SPRY3: variants seen among roughly 807,000 people sequenced by gnomAD.
SPRY3 encodes protein sprouty homolog 3.
In SPRY3, 15 loss-of-function variants were observed where a neutral mutation model predicts 20.2. The observed-to-expected ratio is 0.74, with a 90% CI of 0.50 to 1.14. The LOEUF (loss-of-function observed/expected upper bound fraction) is 1.14, where lower values mean the gene tolerates loss of function less well. SPRY3 is among the 50% of genes most tolerant of loss of function. SPRY3 has a pLI of 0.00. For missense variants in SPRY3, 364 were observed against 363.9 expected (o/e 1.00, Z 0.00); for synonymous variants, 143 against 136.5 (o/e 1.05, Z -0.33).
chrX:155,654,373 G>A (rs1486032493), intron 1 of SPRY3, among the ~76,000 whole-genome samples: 1 of 111,227 alleles, frequency 9.0e-6, no homozygotes, highest in Non-Finnish European at 1.9e-5. Flanking sequence ...TTTTTGTTAT[G>A]TGGATATATT....
intron 2 of SPRY3, among the ~76,000 whole-genome samples, chrX:155,713,565 G>A (rs1406445588): frequency 1.3e-5 from 2 of 152,130 alleles, no homozygotes; most frequent in Non-Finnish European, 2.9e-5. Context: ...AAAGTCTGCT[G>A]CCAGACATAT....
At chrX:155,757,721 A>C (rs1285198048) in intron 2 of SPRY3, among the ~76,000 whole-genome samples, 1 of 152,104 alleles carries the variant, frequency 6.6e-6, no homozygotes, top group African/African-American at 2.4e-5. Flanking sequence ...TCTGGAGGCA[A>C]GGTTTAGGAG....
At chrX:155,697,522 C>T (rs199695571) in intron 2 of SPRY3, among the ~76,000 whole-genome samples, 9 of 99,314 alleles carry the variant, frequency 9.1e-5, no homozygotes, top group East Asian at 3.1e-4. Context: ...CACACACACA[C>T]ATATATATAT....
At chrX:155,750,118 G>C (rs1410169429) in intron 2 of SPRY3, among the ~76,000 whole-genome samples, 2 of 151,826 alleles carry the variant, frequency 1.3e-5, no homozygotes, top group African/African-American at 4.8e-5. Context: ...GTGAAATCAT[G>C]TCCTTTGCAG....
At chrX:155,714,446 A>G (rs1421267627) in intron 2 of SPRY3, among the ~76,000 whole-genome samples, 1 of 152,176 alleles carries the variant, frequency 6.6e-6, no homozygotes, top group Non-Finnish European at 1.5e-5. Flanking sequence ...GGTCTTAGAT[A>G]AGATCTGGAA....
At chrX:155,663,740 T>C (rs1267330848) in intron 2 of SPRY3, among the ~76,000 whole-genome samples, 1 of 111,415 alleles carries the variant, frequency 9.0e-6, no homozygotes, top group African/African-American at 3.3e-5. Context: ...CCCAGCAATG[T>C]GTTGTAACAG....
At chrX:155,725,902 T>A (rs28820992) in intron 2 of SPRY3, among the ~76,000 whole-genome samples, 6,655 of 152,300 alleles carry the variant, frequency 0.044, 165 homozygotes, top group African/African-American at 0.067. Flanking sequence ...TTCTTTTAAT[T>A]GTGATGTTAG....
At chrX:155,717,061 A>C (rs1325858369) in intron 2 of SPRY3, among the ~76,000 whole-genome samples, 1 of 142,644 alleles carries the variant, frequency 7.0e-6, no homozygotes, top group Non-Finnish European at 1.5e-5. Context: ...CGGGAGGCTG[A>C]GGCAGGATAA....
At chrX:155,758,870 T>C (rs939341463) in intron 2 of SPRY3, among the ~76,000 whole-genome samples, 1 of 152,168 alleles carries the variant, frequency 6.6e-6, no homozygotes, top group African/African-American at 2.4e-5. Context: ...TACAATTTAG[T>C]AAAAACCTAA....
chrX:155,769,475 G>A (rs776042257), intron 3 of SPRY3, among the ~76,000 whole-genome samples: 1 of 152,172 alleles, frequency 6.6e-6, no homozygotes, highest in African/African-American at 2.4e-5. Flanking sequence ...CAGCCACGCA[G>A]CAAAGTAGAG....
intron 1 of SPRY3, among the ~76,000 whole-genome samples, chrX:155,614,311 G>A (rs1239555932): frequency 8.9e-6 from 1 of 112,073 alleles, no homozygotes; most frequent in Non-Finnish European, 1.9e-5. Context: ...ATGATCCAAT[G>A]TCCTGTAACA....
rs1306336387 is a variant in SPRY3, at chrX:155,689,296, G to A, written c.-282+32271G>A. On this transcript the variant is annotated intron_variant, in intron 2 of 3. Coordinates refer to ENST00000675360, the Ensembl canonical transcript of SPRY3. ...AGTTAATTTTTGTATATGGTGTAAGGAAGGGGTCCAGTTTCGATCTTCTGC... is the reference window on the plus strand; with the variant it reads ...AGTTAATTTTTGTATATGGTGTAAGAAAGGGGTCCAGTTTCGATCTTCTGC... Among the ~76,000 whole-genome samples the A allele has an allele frequency of 4.6e-5, 4 of 87,072 alleles. 1 individual carries two copies. Among genetic ancestry groups the A allele is most frequent in the African/African-American group, 1.1e-4 (2 of 17,714 alleles). 75.6% of individuals were successfully genotyped at this position (87,072 alleles called of 115,157 possible). A position where few individuals can be genotyped will look rare whatever the true frequency, so the allele number is the denominator to read the frequency against.
chrX:155,664,744 AAAT>A (rs1557354137), intron 2 of SPRY3, among the ~76,000 whole-genome samples: 2 of 109,761 alleles, frequency 1.8e-5, no homozygotes. Context: ...CCCTAAGTAA[AAAT>A]AATAAGAAGA....
chrX:155,725,691 C>T (rs1445444836), intron 2 of SPRY3, among the ~76,000 whole-genome samples: 1 of 151,906 alleles, frequency 6.6e-6, no homozygotes, highest in East Asian at 1.9e-4. Flanking sequence ...TTTATTGCAT[C>T]TATTTGATTC....
intron 2 of SPRY3, among the ~76,000 whole-genome samples, chrX:155,712,127 T>G (rs1228939384): frequency 6.6e-6 from 1 of 151,966 alleles, no homozygotes; most frequent in Non-Finnish European, 1.5e-5. Context: ...TCTATCATTG[T>G]GAATGATTTA....
intron 2 of SPRY3, among the ~76,000 whole-genome samples, chrX:155,675,473 A>G (rs894596263): frequency 9.0e-6 from 1 of 111,167 alleles, no homozygotes; most frequent in South Asian, 3.8e-4. Flanking sequence ...AGAAACGTCA[A>G]AATTAAGTAA....
intron 1 of SPRY3, among the ~76,000 whole-genome samples, chrX:155,624,015 G>A (rs932070764): frequency 4.5e-5 from 5 of 112,194 alleles, no homozygotes; most frequent in African/African-American, 1.3e-4. Context: ...CTCAGATTTA[G>A]AGTGTAATAA....
intron 2 of SPRY3, among the ~76,000 whole-genome samples, chrX:155,672,752 A>T (rs2068045541): frequency 9.5e-6 from 1 of 105,282 alleles, no homozygotes; most frequent in African/African-American, 3.5e-5. Flanking sequence ...GCTGCTATAA[A>T]GACACATGCA....
chrX:155,727,870 G>A (rs2091108913), intron 2 of SPRY3, among the ~76,000 whole-genome samples: 1 of 152,134 alleles, frequency 6.6e-6, no homozygotes, highest in South Asian at 2.1e-4. Flanking sequence ...TTCTTTGGAG[G>A]AGAAGAGGCA....
Sources: gnomAD v4.1 joint callset for allele counts (sites outside exome capture counted in the v4.1 genomes callset) on GRCh38, gnomAD v4.1.1 for gene constraint, MANE v1.5 for transcripts, NCBI Gene and HGNC (gene_info 2026-07-23, HGNC 2026-07-21) for gene names.